Variants in CD163L1 observed in about 807,000 individuals in gnomAD.
CD163L1 encodes scavenger receptor cysteine-rich type 1 protein M160.
A neutral mutation model predicts 165.4 loss-of-function variants in CD163L1; 124 were observed. That is an observed-to-expected ratio of 0.75 (90% CI 0.65 to 0.87). The LOEUF is 0.87. Ranked by LOEUF, CD163L1 falls within the 40% of genes least tolerant of loss-of-function variation. The probability of loss-of-function intolerance (pLI) is 0.00; values close to 1 mark genes in which losing one functional copy is unlikely to be tolerated. For synonymous variants in CD163L1, 585 were observed against 662.2 expected (o/e 0.88, Z 1.79); for missense variants, 1,525 against 1,799.9 (o/e 0.85, Z 2.76).
At chr12:7,394,300 C>T (rs898591929) in intron 8 of CD163L1, among the ~76,000 whole-genome samples, 5 of 152,090 alleles carry the variant, frequency 3.3e-5, no homozygotes, top group Admixed American at 3.3e-4. Context: ...ATAGCTACAA[C>T]TATCTGATCT....
At chr12:7,383,608 G>A (rs1203311425) in intron 8 of CD163L1, among the ~76,000 whole-genome samples, 1 of 152,148 alleles carries the variant, frequency 6.6e-6, no homozygotes, top group Admixed American at 6.5e-5. Flanking sequence ...GAGGCTCAAG[G>A]ACTGGCTTGT....
In CD163L1 at chr12:7,369,783, G is replaced by A; in HGVS notation, c.3731-118C>T. 1.2e-6 allele frequency: 1 copy of A among 840,298 alleles called. No individual in the cohort carries two copies. The highest frequency in any genetic ancestry group is 1.7e-5 in the South Asian group (1 of 59,130). 52.1% of individuals were successfully genotyped at this position (840,298 alleles called of 1,614,324 possible). A position where few individuals can be genotyped will look rare whatever the true frequency, so the allele number is the denominator to read the frequency against. ...GATGAATATGGGTGTGGTAAGGAAG[G>A]CAGAATTTCAATGTTACATAGATTA... On this transcript the variant is annotated intron_variant, in intron 14 of 19. Transcript: ENST00000313599. This position sits in a 1 kb window ranked among gnomAD's most constrained non-coding sequence, Gnocchi z 4.9.
At chr12:7,435,728 G>GA (rs1217741638) in intron 2 of CD163L1, among the ~76,000 whole-genome samples, 1 of 152,018 alleles carries the variant, frequency 6.6e-6, no homozygotes. Flanking sequence ...AAACTCCCAT[G>GA]AATCTGCACC....
intron 10 of CD163L1, 22 bp downstream of exon 10, chr12:7,375,678 T>C: frequency 6.2e-7 from 1 of 1,612,820 alleles, no homozygotes; most frequent in Non-Finnish European, 8.5e-7. Context: ...CCCAGCCAAT[T>C]AAGATTATTT....
chr12:7,429,660 A>G (rs1218545694), intron 4 of CD163L1, among the ~76,000 whole-genome samples: 1 of 152,038 alleles, frequency 6.6e-6, no homozygotes, highest in Non-Finnish European at 1.5e-5. Context: ...CTGTGTAAAT[A>G]TAACTCCAAT....
At chr12:7,348,288 C>T (rs1946684185) in intron 4 of CD163L1, among the ~76,000 whole-genome samples, 1 of 152,160 alleles carries the variant, frequency 6.6e-6, no homozygotes. Context: ...ATTGGTGAGA[C>T]CCAGTCACAT....
chr12:7,439,957 G>GT (rs1469756264), intron 2 of CD163L1: 11 of 1,574,530 alleles, frequency 7.0e-6, no homozygotes, highest in African/African-American at 1.3e-5. Flanking sequence ...AGGGGCTGCG[G>GT]TCACACTCGC....
In CD163L1 at chr12:7,396,383, C is replaced by T. The variant is rs367819717; in HGVS notation, c.1762G>A (p.Gly588Ser). 1.2e-5 allele frequency: 20 copies of T among 1,609,332 alleles called. No homozygotes were observed. The highest frequency in any genetic ancestry group is 1.7e-5 in the Non-Finnish European group (20 of 1,176,540). The stretch of plus-strand genomic sequence containing the variant: ...AGTCTTCCCGAGCAGCGGTTGCTGC[C>T]GCCCACCAGCCTCAGGCCCCATGTT... Reference protein sequence around the residue: ...DATWGLRLVGGSNRCSGRLEV... With the variant: ...DATWGLRLVGSSNRCSGRLEV... The change falls in exon 8 of 20, where the codon GGC (glycine) becomes AGC (serine). Residue 588 changes from glycine (G) to serine (S), a missense_variant. Gly to Ser is a moderately conservative substitution (Grantham distance 56). Coordinates refer to ENST00000313599, the MANE Select transcript of CD163L1 (RefSeq NM_174941.6).
chr12:7,437,040 C>T (rs1948723940), intron 2 of CD163L1, among the ~76,000 whole-genome samples: 1 of 149,098 alleles, frequency 6.7e-6, no homozygotes, highest in Non-Finnish European at 1.5e-5. Context: ...TTTCTTGAAA[C>T]ATTATTATAA....
At chr12:7,402,638 A>ATT (rs200594568) in intron 6 of CD163L1, among the ~76,000 whole-genome samples, 3 of 144,696 alleles carry the variant, frequency 2.1e-5, no homozygotes, top group Non-Finnish European at 4.6e-5. Flanking sequence ...TATTTATTTC[A>ATT]TTTTTTTTTT....
chr12:7,366,994 GC>G (rs1396957801), intron 18 of CD163L1, among the ~76,000 whole-genome samples: 3 of 152,096 alleles, frequency 2.0e-5, no homozygotes, highest in African/African-American at 7.2e-5. Flanking sequence ...AGTCTTCTTT[GC>G]TTGGTGCCTC....
chr12:7,434,628 A>G (rs990030804), intron 2 of CD163L1, among the ~76,000 whole-genome samples: 3 of 152,008 alleles, frequency 2.0e-5, no homozygotes, highest in Non-Finnish European at 4.4e-5. Flanking sequence ...AGTGAGCCAA[A>G]GGGACAAAGA....
the CD163L1 span, chr12:7,322,574 G>T: frequency 7.6e-6 from 12 of 1,578,098 alleles, no homozygotes; most frequent in Non-Finnish European, 1.0e-5. Context: ...TTTAGTATAT[G>T]TGGGGGCCTT....
the CD163L1 span, among the ~76,000 whole-genome samples, chr12:7,319,599 A>AG: frequency 2.0e-5 from 3 of 151,638 alleles, no homozygotes; most frequent in African/African-American, 7.3e-5. Flanking sequence ...CAAAAAAAAA[A>AG]AAAAAAGAAA....
chr12:7,337,431 GCCAATAT>G, the CD163L1 span, among the ~76,000 whole-genome samples: 1 of 152,080 alleles, frequency 6.6e-6, no homozygotes, highest in Non-Finnish European at 1.5e-5. Flanking sequence ...CTGACAAAGG[GCCAATAT>G]CCAGAATCTA....
intron 4 of CD163L1, among the ~76,000 whole-genome samples, chr12:7,413,918 T>TA (rs1331322446): frequency 6.6e-6 from 1 of 151,990 alleles, no homozygotes; most frequent in Non-Finnish European, 1.5e-5. Flanking sequence ...AGTACACCCA[T>TA]AAAAAAGGTC....
intron 3 of CD163L1, 75 bp downstream of exon 3, chr12:7,433,299 G>T (rs751852996): frequency 7.4e-7 from 1 of 1,349,934 alleles, no homozygotes; most frequent in South Asian, 1.5e-5. Flanking sequence ...AGTCATAATA[G>T]AAACCCCTAC....
At chr12:7,427,771 T>C (rs1044549476) in intron 4 of CD163L1, among the ~76,000 whole-genome samples, 3 of 152,140 alleles carry the variant, frequency 2.0e-5, no homozygotes, top group Admixed American at 6.6e-5. Context: ...ATTCCCCTCA[T>C]GTAGGTATCC....
At chr12:7,321,299 G>C in the CD163L1 span, among the ~76,000 whole-genome samples, 5 of 152,206 alleles carry the variant, frequency 3.3e-5, no homozygotes, top group African/African-American at 9.6e-5. Context: ...TTTATGACTT[G>C]AAGGTCATAT....
Sources: allele counts gnomAD v4.1 joint callset (sites outside exome capture counted in the v4.1 genomes callset), GRCh38; gene constraint gnomAD v4.1.1; non-coding constraint Gnocchi (gnomAD v3.1); transcripts MANE v1.5; gene names NCBI Gene and HGNC (gene_info 2026-07-23, HGNC 2026-07-21).